GRM5: variants seen among roughly 807,000 people sequenced by gnomAD.
GRM5 encodes metabotropic glutamate receptor 5.
GRM5 carries 19 observed loss-of-function variants against 83.1 expected under a neutral mutation model. The observed-to-expected ratio is 0.23, with a 90% confidence interval of 0.16 to 0.34. GRM5 has a LOEUF of 0.34. Among genes scored for constraint, GRM5 ranks in the 10% least tolerant of loss-of-function variants. GRM5 has a pLI of 1.00. For synonymous variants in GRM5, 675 were observed against 633.6 expected (o/e 1.07, Z -0.98); for missense variants, 1,160 against 1,588.3 (o/e 0.73, Z 4.58).
chr11:89,043,772 G>A (rs1313263580), intron 2 of GRM5, among the ~76,000 whole-genome samples: 1 of 152,022 alleles, frequency 6.6e-6, no homozygotes, highest in Non-Finnish European at 1.5e-5. Flanking sequence ...ATTAGCTGTG[G>A]GTTGGAAAGG....
chr11:88,994,380 T>A (rs2135055170), intron 2 of GRM5, among the ~76,000 whole-genome samples: 1 of 151,028 alleles, frequency 6.6e-6, no homozygotes, highest in African/African-American at 2.4e-5. Context: ...AGAGAAAGTA[T>A]TTTTAAGTAC....
At chr11:88,866,380 T>C (rs1243431076) in intron 2 of GRM5, among the ~76,000 whole-genome samples, 1 of 151,788 alleles carries the variant, frequency 6.6e-6, no homozygotes. Context: ...AGGGAGGGGA[T>C]CACCACACAC....
At chr11:88,641,112 GC>G (rs1034557438) in intron 4 of GRM5, among the ~76,000 whole-genome samples, 6 of 152,056 alleles carry the variant, frequency 3.9e-5, no homozygotes, top group Non-Finnish European at 7.4e-5. Flanking sequence ...GCCTCAGGAA[GC>G]TTTTACTCAT....
chr11:88,788,674 T>C (rs1175977995), intron 3 of GRM5, among the ~76,000 whole-genome samples: 2 of 152,194 alleles, frequency 1.3e-5, no homozygotes, highest in African/African-American at 2.4e-5. Flanking sequence ...GACTATCTGA[T>C]GGAAGTAGAT....
chr11:88,519,397 C>T (rs1260782901), intron 9 of GRM5, among the ~76,000 whole-genome samples: 4 of 151,618 alleles, frequency 2.6e-5, no homozygotes, highest in Non-Finnish European at 4.4e-5. Flanking sequence ...TATGAAGAAC[C>T]TTGTATTCTG....
At chr11:88,629,650 C>A (rs564287494) in intron 4 of GRM5, among the ~76,000 whole-genome samples, 4 of 152,228 alleles carry the variant, frequency 2.6e-5, no homozygotes, top group Non-Finnish European at 5.9e-5. Context: ...CACAGGATAC[C>A]CATGCTGTCT....
At chr11:88,760,717 A>G (rs1942494416) in intron 3 of GRM5, among the ~76,000 whole-genome samples, 1 of 152,096 alleles carries the variant, frequency 6.6e-6, no homozygotes, top group Non-Finnish European at 1.5e-5. Flanking sequence ...CAAAGCCAAC[A>G]TCATCTTGAT....
At chr11:88,784,798 A>T (rs573866970) in intron 3 of GRM5, among the ~76,000 whole-genome samples, 1 of 152,168 alleles carries the variant, frequency 6.6e-6, no homozygotes, top group East Asian at 1.9e-4. Context: ...CATAAACCCG[A>T]TTAGCAGATA....
chr11:88,621,513 G>A (rs888303458), intron 4 of GRM5, among the ~76,000 whole-genome samples: 1 of 152,154 alleles, frequency 6.6e-6, no homozygotes, highest in South Asian at 2.1e-4. Flanking sequence ...TAATACATAT[G>A]GAAGTTATGA....
intron 7 of GRM5, among the ~76,000 whole-genome samples, chr11:88,581,293 C>T (rs933850086): frequency 1.4e-4 from 21 of 152,172 alleles, no homozygotes; most frequent in East Asian, 3.9e-4. Context: ...TTAATGCATA[C>T]GAAACTTTTT....
chr11:88,670,551 A>AGGAT (rs1565180089), intron 3 of GRM5, among the ~76,000 whole-genome samples: 3 of 151,864 alleles, frequency 2.0e-5, no homozygotes, highest in Non-Finnish European at 4.4e-5. Context: ...GATAGGCAAA[A>AGGAT]AGTCTGAAAA....
At chr11:88,601,918 C>CA (rs1441761656) in intron 5 of GRM5, among the ~76,000 whole-genome samples, 2 of 151,980 alleles carry the variant, frequency 1.3e-5, no homozygotes, top group Non-Finnish European at 2.9e-5. Flanking sequence ...GACTGGGTTC[C>CA]AAAAAACCTT....
intron 9 of GRM5, among the ~76,000 whole-genome samples, chr11:88,522,013 T>C (rs184186426): frequency 8.5e-5 from 13 of 152,322 alleles, no homozygotes; most frequent in African/African-American, 2.6e-4. Context: ...AGCTTCATTA[T>C]ACAAAACAGG....
At chr11:88,798,737 A>T (rs1207327457) in intron 3 of GRM5, among the ~76,000 whole-genome samples, 1 of 146,604 alleles carries the variant, frequency 6.8e-6, no homozygotes, top group East Asian at 2.1e-4. Flanking sequence ...GAAAGCTGGG[A>T]TTGAAATCCC....
At chr11:89,022,389 T>C (rs946381166) in intron 2 of GRM5, among the ~76,000 whole-genome samples, 1 of 150,822 alleles carries the variant, frequency 6.6e-6, no homozygotes, top group Non-Finnish European at 1.5e-5. Flanking sequence ...ACGTCTGTAA[T>C]CCCAGCACTT....
chr11:88,988,903 A>G (rs1053969701), intron 2 of GRM5, among the ~76,000 whole-genome samples: 7 of 148,182 alleles, frequency 4.7e-5, no homozygotes, highest in Non-Finnish European at 9.0e-5. Flanking sequence ...CCGCTGCAAA[A>G]TCATGCCAAA....
intron 3 of GRM5, among the ~76,000 whole-genome samples, chr11:88,814,001 G>T (rs1462227640): frequency 1.3e-5 from 2 of 151,848 alleles, no homozygotes; most frequent in Admixed American, 6.6e-5. Context: ...TTGCTTATTG[G>T]ATGTAATAGT....
At chr11:88,977,200 A>T (rs1429790687) in intron 2 of GRM5, among the ~76,000 whole-genome samples, 1 of 149,894 alleles carries the variant, frequency 6.7e-6, no homozygotes, top group Non-Finnish European at 1.5e-5. Flanking sequence ...TTTATTTTAT[A>T]TTATATTATT....
At chr11:88,598,311 A>G (rs1311204226) in intron 5 of GRM5, among the ~76,000 whole-genome samples, 1 of 152,164 alleles carries the variant, frequency 6.6e-6, no homozygotes, top group Non-Finnish European at 1.5e-5. Context: ...TCAAGTGATG[A>G]GATTACTATA....
Sources: allele counts gnomAD v4.1 joint callset (sites outside exome capture counted in the v4.1 genomes callset), GRCh38; gene constraint gnomAD v4.1.1; transcripts MANE v1.5; gene names NCBI Gene and HGNC (gene_info 2026-07-23, HGNC 2026-07-21).